Variants in ZNF469 observed in about 807,000 individuals in gnomAD.
ZNF469 encodes zinc finger protein 469.
A neutral mutation model predicts 1.0 loss-of-function variants in ZNF469; 1 was observed. That is an observed-to-expected ratio of 1.00 (90% CI 0.35 to 4.73). ZNF469 has a LOEUF of 4.73. Ranked by LOEUF, ZNF469 falls within the 30% of genes most tolerant of loss-of-function variation. The pLI is 0.16. For missense variants in ZNF469, 6,100 were observed against 5,356.3 expected (o/e 1.14, Z -4.33); for synonymous variants, 2,703 against 2,363.4 (o/e 1.14, Z -4.17).
At chr16:88,260,112 G>GGATTACA in the ZNF469 span, among the ~76,000 whole-genome samples, 21 of 151,224 alleles carry the variant, frequency 1.4e-4, no homozygotes, top group African/African-American at 5.1e-4. The surrounding 1 kb of genome is among the most constrained non-coding windows in gnomAD (Gnocchi z 4.1). Context: ...TGAGTGGCTG[G>GGATTACA]GATTACAGGC....
the ZNF469 span, among the ~76,000 whole-genome samples, chr16:88,349,809 ATCAC>A: frequency 1.1e-3 from 2 of 1,856 alleles, no homozygotes; most frequent in Non-Finnish European, 2.2e-3. Context: ...CATTACACAC[ATCAC>A]AAATGCACAC....
the ZNF469 span, among the ~76,000 whole-genome samples, chr16:88,332,213 A>C: frequency 6.6e-6 from 1 of 152,274 alleles, no homozygotes; most frequent in Non-Finnish European, 1.5e-5. Flanking sequence ...AGAGGATGGA[A>C]AATGACTCAT....
rs758964921 is a variant in ZNF469 at position 88,433,848 on chromosome 16, C to T, written c.6378C>T (p.Ser2126=). Residue 2126 remains serine, a synonymous_variant, in exon 3 of 3, where the codon AGC becomes AGT. Transcript: ENST00000565624. ...SPTSAAHMPC[S]LGPLPREDPL... is the part of the protein sequence containing the mutation. ...CTTCAGCCGCCCACATGCCCTGCAG[C>T]CTTGGGCCCCTGCCCCGTGAAGACC... is the stretch of plus-strand genomic sequence containing the variant. The T allele has an allele frequency of 6.5e-6, 10 of 1,549,674 alleles. No individual in the cohort carries two copies. The highest frequency in any genetic ancestry group is 7.0e-6 in the Non-Finnish European group (8 of 1,146,660).
the ZNF469 span, among the ~76,000 whole-genome samples, chr16:88,158,811 C>T: frequency 5.9e-5 from 9 of 152,228 alleles, no homozygotes; most frequent in African/African-American, 1.9e-4. Context: ...CTGGGGGGCA[C>T]CGGGCAGTGC....
the ZNF469 span, among the ~76,000 whole-genome samples, chr16:88,270,448 G>A: frequency 6.6e-6 from 1 of 152,192 alleles, no homozygotes; most frequent in Non-Finnish European, 1.5e-5. Context: ...TGGAAAATGG[G>A]GACAGCCAGA....
chr16:88,305,752 G>T, the ZNF469 span, among the ~76,000 whole-genome samples: 3 of 152,082 alleles, frequency 2.0e-5, no homozygotes, highest in Admixed American at 6.5e-5. Context: ...TCATACACAC[G>T]GAAACACACA....
chr16:88,148,118 C>T, the ZNF469 span, among the ~76,000 whole-genome samples: 7 of 152,218 alleles, frequency 4.6e-5, no homozygotes, highest in East Asian at 9.7e-4. Context: ...TGTACGCCAG[C>T]GGTCACCTGT....
chr16:88,341,117 T>C, the ZNF469 span, among the ~76,000 whole-genome samples: 33,660 of 152,156 alleles, frequency 0.22, 4,750 homozygotes, highest in African/African-American at 0.4. Flanking sequence ...TCAGGCCTTG[T>C]GGGCCACACG....
the ZNF469 span, among the ~76,000 whole-genome samples, chr16:88,322,520 T>C: frequency 6.6e-6 from 1 of 152,124 alleles, no homozygotes. Flanking sequence ...TCAAACCGTA[T>C]CTCATGGCTC....
At chr16:88,181,240 T>G in the ZNF469 span, among the ~76,000 whole-genome samples, 1 of 152,112 alleles carries the variant, frequency 6.6e-6, no homozygotes, top group Admixed American at 6.5e-5. Context: ...CTGGCTAATT[T>G]TTTGTATTTT....
At chr16:88,160,977 T>C in the ZNF469 span, among the ~76,000 whole-genome samples, 303 of 152,320 alleles carry the variant, frequency 2.0e-3, no homozygotes, top group African/African-American at 6.7e-3. Flanking sequence ...ACAATGTCTC[T>C]ATATTAAAAA....
chr16:88,313,719 C>A, the ZNF469 span, among the ~76,000 whole-genome samples: 13 of 152,126 alleles, frequency 8.5e-5, 1 homozygote, highest in Middle Eastern at 6.3e-3. Flanking sequence ...TCAGGCAGTG[C>A]TGGTGTGGAC....
chr16:88,215,851 T>C, the ZNF469 span, among the ~76,000 whole-genome samples: 1 of 152,234 alleles, frequency 6.6e-6, no homozygotes, highest in Non-Finnish European at 1.5e-5. Context: ...ACTACTTTTA[T>C]GTTTTTGTGG....
chr16:88,241,564 T>C, the ZNF469 span, among the ~76,000 whole-genome samples: 1 of 152,022 alleles, frequency 6.6e-6, no homozygotes, highest in Non-Finnish European at 1.5e-5. This position sits in a 1 kb window ranked among gnomAD's most constrained non-coding sequence, Gnocchi z 4.8. Flanking sequence ...TGGTTGTCCC[T>C]CCCTTGCACT....
chr16:88,434,453 C>T lies in ZNF469; in HGVS notation c.6983C>T (p.Ser2328Leu), dbSNP rs1187024912. The T allele has an allele frequency of 3.2e-6, 5 of 1,549,794 alleles. No homozygotes were observed. Among genetic ancestry groups the T allele is most frequent in the Non-Finnish European group, 4.4e-6 (5 of 1,146,934 alleles). ...NPDRMPRGHSSYSPSNTARLG... is the reference protein window; with the variant it reads ...NPDRMPRGHSLYSPSNTARLG... ...GACAGGATGCCCAGGGGCCACTCCT[C>T]GTATTCTCCAAGCAATACTGCCCGC... The change falls in exon 3 of 3, where the codon TCG (serine) becomes TTG (leucine). Residue 2328 changes from serine (S) to leucine (L), a missense_variant. Transcript: ENST00000565624.
the ZNF469 span, among the ~76,000 whole-genome samples, chr16:88,286,411 G>A: frequency 6.6e-6 from 1 of 152,234 alleles, no homozygotes; most frequent in Admixed American, 6.5e-5. Flanking sequence ...GAGCTCGCTG[G>A]TGCCCTCTTC....
chr16:88,183,307 T>C, the ZNF469 span, among the ~76,000 whole-genome samples: 2 of 152,222 alleles, frequency 1.3e-5, no homozygotes, highest in Non-Finnish European at 2.9e-5. Flanking sequence ...AATCCCACTC[T>C]CAAAAGAAAT....
the ZNF469 span, among the ~76,000 whole-genome samples, chr16:88,185,037 A>G: frequency 6.6e-6 from 1 of 151,054 alleles, no homozygotes. Context: ...ATACAGGCAC[A>G]TACGTATCCA....
At chr16:88,126,906 G>A in the ZNF469 span, among the ~76,000 whole-genome samples, 1 of 151,980 alleles carries the variant, frequency 6.6e-6, no homozygotes, top group South Asian at 2.1e-4. Context: ...TGCAACCTCT[G>A]TCCCCCGGGT....
Sources: gnomAD v4.1 joint callset for allele counts (sites outside exome capture counted in the v4.1 genomes callset) on GRCh38, gnomAD v4.1.1 for gene constraint, Gnocchi (gnomAD v3.1) non-coding constraint, MANE v1.5 for transcripts, NCBI Gene and HGNC (gene_info 2026-07-23, HGNC 2026-07-21) for gene names.